Variants in SLC11A2 observed in about 807,000 individuals in gnomAD.
The protein encoded by SLC11A2 is natural resistance-associated macrophage protein 2.
Under a neutral mutation model 68.0 loss-of-function variants are expected in SLC11A2, and 38 were observed. That is an observed-to-expected ratio of 0.56 (90% CI 0.43 to 0.73). The LOEUF is 0.73. Ranked by LOEUF, SLC11A2 falls within the 30% of genes least tolerant of loss-of-function variation. SLC11A2 has a pLI of 0.00. For synonymous variants in SLC11A2, 242 were observed against 250.6 expected, an observed-to-expected ratio of 0.97 and a Z score of 0.32; for missense variants, 517 against 690.5, an observed-to-expected ratio of 0.75 and a Z score of 2.82.
chr12:50,966,792 C>T, the SLC11A2 span, among the ~76,000 whole-genome samples: 1 of 146,220 alleles, frequency 6.8e-6, no homozygotes, highest in Non-Finnish European at 1.5e-5. Context: ...TGTCCCACTC[C>T]TTCTAAAGCA....
intron 6 of SLC11A2, 97 bp from the exon 7 acceptor site, chr12:50,999,512 TG>T: frequency 9.7e-7 from 1 of 1,031,462 alleles, no homozygotes; most frequent in Non-Finnish European, 1.5e-6. Context: ...AAAGAACACT[TG>T]GAGAAGCTAG....
intron 6 of SLC11A2, among the ~76,000 whole-genome samples, chr12:50,999,999 C>T (rs779776014): frequency 1.6e-4 from 24 of 151,966 alleles, no homozygotes; most frequent in Non-Finnish European, 3.4e-4. Flanking sequence ...CGGAGAAAGA[C>T]TCTGTCTCAA....
At chr12:50,997,068 T>C (rs1043438321) in intron 8 of SLC11A2, 96 bp from the exon 9 acceptor site, 5 of 941,950 alleles carry the variant, frequency 5.3e-6, no homozygotes, top group South Asian at 5.2e-5. Context: ...TCCCTTACAA[T>C]GCCTTCTTCC....
At chr12:51,012,240 C>T (rs1324933558) in intron 1 of SLC11A2, among the ~76,000 whole-genome samples, 1 of 152,082 alleles carries the variant, frequency 6.6e-6, no homozygotes, top group Non-Finnish European at 1.5e-5. Context: ...GGTGGAAGTT[C>T]CAGATGTCCA....
the SLC11A2 span, among the ~76,000 whole-genome samples, chr12:50,960,281 C>T: frequency 5.9e-5 from 9 of 152,084 alleles, no homozygotes; most frequent in Non-Finnish European, 1.0e-4. Flanking sequence ...TGGGTTTACT[C>T]CTTATTTGGT....
chr12:51,012,132 A>G (rs1943280780), intron 1 of SLC11A2, among the ~76,000 whole-genome samples: 1 of 152,156 alleles, frequency 6.6e-6, no homozygotes, highest in Non-Finnish European at 1.5e-5. Flanking sequence ...AGAGAGCTGA[A>G]GCACCAGCAG....
At chr12:50,976,290 C>T (rs1291267369), downstream of SLC11A2, among the ~76,000 whole-genome samples, 1 of 152,198 alleles carries the variant, frequency 6.6e-6, no homozygotes, top group Non-Finnish European at 1.5e-5. Context: ...AAAGCTTATC[C>T]ACCTTGATCA....
At chr12:50,973,759 G>T in the SLC11A2 span, among the ~76,000 whole-genome samples, 1 of 152,156 alleles carries the variant, frequency 6.6e-6, no homozygotes, top group African/African-American at 2.4e-5. Flanking sequence ...TAGACGAATG[G>T]CTAACTAGAA....
rs1057241191 is a variant in SLC11A2, at chr12:51,010,696, A to G, written c.33T>C (p.Asp11=). The G allele has an allele frequency of 1.3e-6, 2 of 1,544,044 alleles. No homozygotes were observed. The highest frequency in any genetic ancestry group is 9.0e-7 in the Non-Finnish European group (1 of 1,115,208). ...CAATAACACAAAGCGGTAAATTACC[A>G]TCTGACATCTTCTGTTCAGGACCCA... MVLGPEQKMS[D]DSVSGDHGES... is the part of the protein sequence containing the mutation. The change falls in exon 2 of 16, where the codon GAT becomes GAC. Residue 11 remains aspartate, a splice_region_variant and synonymous_variant. Transcript: ENST00000262052.
the SLC11A2 span, among the ~76,000 whole-genome samples, chr12:50,959,539 A>G: frequency 1.3e-5 from 2 of 152,152 alleles, no homozygotes; most frequent in East Asian, 3.8e-4. Context: ...TTCAGGGTCT[A>G]GTGTGAAATA....
Position 50,986,825 on chromosome 12 carries a change from A to C in SLC11A2, c.*1500T>G. The C allele has an allele frequency of 7.8e-7, 1 of 1,287,198 alleles. No homozygotes were observed. Among genetic ancestry groups the C allele is most frequent in the Non-Finnish European group, 1.0e-6 (1 of 988,690 alleles). 79.7% of individuals were successfully genotyped at this position (1,287,198 alleles called of 1,614,324 possible). A position where few individuals can be genotyped will look rare whatever the true frequency, so the allele number is the denominator to read the frequency against. ...TGTACCCTTAAATGCCTTATAAAAGACCATCCATCCAGTCTGCGCTTTTGA... is the reference window on the plus strand; with the variant it reads ...TGTACCCTTAAATGCCTTATAAAAGCCCATCCATCCAGTCTGCGCTTTTGA... On this transcript the variant is annotated 3_prime_UTR_variant, in exon 16 of 16. Coordinates refer to ENST00000262052, the MANE Select transcript of SLC11A2 (RefSeq NM_000617.3).
downstream of SLC11A2, chr12:50,980,139 T>A (rs1211444316): frequency 2.8e-5 from 10 of 359,172 alleles, no homozygotes; most frequent in Non-Finnish European, 5.5e-5. Context: ...AGTGGGAGGA[T>A]GGCTTAAGCC....
At chr12:50,989,152 T>G (rs945935621) in intron 15 of SLC11A2, among the ~76,000 whole-genome samples, 3 of 152,132 alleles carry the variant, frequency 2.0e-5, no homozygotes, top group African/African-American at 7.2e-5. Context: ...TGTTTTGAAG[T>G]TAAACAACAG....
upstream of SLC11A2, among the ~76,000 whole-genome samples, chr12:51,027,990 G>T (rs1037407514): frequency 6.6e-6 from 1 of 151,980 alleles, no homozygotes; most frequent in Admixed American, 6.6e-5. Flanking sequence ...AAAAGAAAAT[G>T]CACAAATTAG....
At chr12:50,962,268 G>A in the SLC11A2 span, among the ~76,000 whole-genome samples, 1 of 151,508 alleles carries the variant, frequency 6.6e-6, no homozygotes, top group Non-Finnish European at 1.5e-5. Flanking sequence ...AAATAGCTGG[G>A]TGTGGTGGCA....
the SLC11A2 span, among the ~76,000 whole-genome samples, chr12:50,964,810 T>C: frequency 6.6e-6 from 1 of 152,270 alleles, no homozygotes; most frequent in Non-Finnish European, 1.5e-5. Context: ...ATAGGAATAG[T>C]ATCATTCTCC....
At chr12:50,970,537 A>T in the SLC11A2 span, 1 of 1,334,418 alleles carries the variant, frequency 7.5e-7, no homozygotes, top group South Asian at 1.3e-5. Context: ...GAAAGACAAG[A>T]AGCTTCTGAA....
the SLC11A2 span, among the ~76,000 whole-genome samples, chr12:50,968,973 C>T: frequency 0.15 from 22,394 of 152,180 alleles, 1,878 homozygotes; most frequent in South Asian, 0.26. Context: ...GCCCCCACCA[C>T]GCACCGCATT....
chr12:51,010,115 C>T (rs1372161503), intron 2 of SLC11A2, among the ~76,000 whole-genome samples: 2 of 151,586 alleles, frequency 1.3e-5, no homozygotes, highest in African/African-American at 4.9e-5. Flanking sequence ...ACCGGGGAGG[C>T]GGAGGTTGCA....
Sources: gnomAD v4.1 joint callset for allele counts (sites outside exome capture counted in the v4.1 genomes callset) on GRCh38, gnomAD v4.1.1 for gene constraint, MANE v1.5 for transcripts, NCBI Gene and HGNC (gene_info 2026-07-23, HGNC 2026-07-21) for gene names.